The following RBFOX1 variants were observed in gnomAD, a reference collection of about 807,000 sequenced individuals.
The protein encoded by RBFOX1 is RNA binding fox-1 homolog 1.
Under a neutral mutation model 57.7 loss-of-function variants are expected in RBFOX1, and 8 were observed. That is an observed-to-expected ratio of 0.14 (90% confidence interval 0.08 to 0.25). The LOEUF is 0.25. Among genes scored for constraint, RBFOX1 ranks in the 10% least tolerant of loss-of-function variants. The probability of loss-of-function intolerance (pLI) is 1.00; values close to 1 mark genes in which losing one functional copy is unlikely to be tolerated. For missense variants in RBFOX1, 611 were observed against 548.5 expected (o/e 1.11, Z -1.14); for synonymous variants, 326 against 222.4 (o/e 1.47, Z -4.15).
intron 1 of RBFOX1, among the ~76,000 whole-genome samples, chr16:5,389,062 G>T (rs1017602046): frequency 6.6e-6 from 1 of 151,568 alleles, no homozygotes; most frequent in East Asian, 2.0e-4. Context: ...GTGGTGGCAG[G>T]CCCCTGTAGT....
intron 2 of RBFOX1, among the ~76,000 whole-genome samples, chr16:5,508,164 G>T (rs1462981091): frequency 6.6e-6 from 1 of 152,192 alleles, no homozygotes; most frequent in African/African-American, 2.4e-5. Context: ...TGTGCTGGGG[G>T]TCTGGACGTG....
intron 1 of RBFOX1, among the ~76,000 whole-genome samples, chr16:6,218,551 C>G (rs1390427613): frequency 1.3e-5 from 2 of 152,092 alleles, no homozygotes; most frequent in Non-Finnish European, 2.9e-5. Context: ...CTCAAGTGAT[C>G]CTCCCACCTC....
intron 2 of RBFOX1, among the ~76,000 whole-genome samples, chr16:5,492,272 T>A (rs887846119): frequency 1.3e-5 from 2 of 152,210 alleles, no homozygotes; most frequent in African/African-American, 4.8e-5. Flanking sequence ...CAGGTACCTG[T>A]TTTTCCCAAT....
intron 3 of RBFOX1, among the ~76,000 whole-genome samples, chr16:6,825,288 A>G (rs2091976903): frequency 6.6e-6 from 1 of 151,304 alleles, no homozygotes; most frequent in African/African-American, 2.4e-5. Context: ...CTAGATGCCA[A>G]AAATGTCTGT....
chr16:5,473,433 A>G lies in RBFOX1; in HGVS notation c.258+6179A>G, dbSNP rs139729007. On this transcript the variant is annotated intron_variant, in intron 2 of 2. Coordinates refer to the RBFOX1 transcript ENST00000585867. ...TTCTTTTTTTCTTTTTTGCAGGGCT[A>G]TGGATCTATAAAATTCCTAATAAGC... Among the ~76,000 whole-genome samples, 234 of 151,732 alleles carry G rather than the reference A, an allele frequency of 1.5e-3. 1 individual carries two copies. Among genetic ancestry groups the G allele is most frequent in the African/African-American group, 5.6e-3 (231 of 41,276 alleles).
chr16:6,344,676 C>G lies in RBFOX1; in HGVS notation c.-64+27619C>G, dbSNP rs190346310. Reference sequence around the variant, plus strand: ...CCTCCCAAAGTGCTGGGATTACAGGCGTGAGCCACCGAGCCCGGTTTTTTT... The same window carrying G: ...CCTCCCAAAGTGCTGGGATTACAGGGGTGAGCCACCGAGCCCGGTTTTTTT... On this transcript the variant is annotated intron_variant, in intron 2 of 15. Coordinates refer to ENST00000550418, the MANE Select transcript of RBFOX1 (RefSeq NM_018723.4). 7.1e-3 allele frequency among the ~76,000 whole-genome samples: 1,003 copies of G among 141,382 alleles called. 13 individuals are homozygous for G. The highest frequency in any genetic ancestry group is 0.025 in the African/African-American group (945 of 37,592). The allele number at this position is 141,382 out of a possible 152,430, so 92.8% of individuals were successfully genotyped here.
chr16:6,215,332 G>A (rs2097329243), intron 1 of RBFOX1, among the ~76,000 whole-genome samples: 1 of 138,328 alleles, frequency 7.2e-6, no homozygotes, highest in Non-Finnish European at 1.6e-5. Flanking sequence ...AGAGAGGGGA[G>A]GGGGAGAAGG....
At position 6,410,836 on chromosome 16, in the gene RBFOX1, C is replaced by A. The variant is rs191817960; in HGVS notation, c.-64+93779C>A. ...CCTACCTGGAAGTAGGCACTGTGGT[C>A]TGCACCATTCGGCATAAGTCACTTA... On this transcript the variant is annotated intron_variant, in intron 2 of 15. Transcript: ENST00000550418. Among the ~76,000 whole-genome samples, 39 of 152,308 alleles carry A rather than the reference C, an allele frequency of 2.6e-4. No homozygotes were observed. The East Asian group carries it at 3.5e-3, about 14-fold the overall frequency.
chr16:6,372,276 G>A (rs549461382), intron 2 of RBFOX1, among the ~76,000 whole-genome samples: 7 of 151,952 alleles, frequency 4.6e-5, no homozygotes, highest in East Asian at 1.9e-4. Flanking sequence ...AAGTATACTC[G>A]GATGGAAGGA....
chr16:6,893,432 T>C (rs1487799360), intron 3 of RBFOX1, among the ~76,000 whole-genome samples: 4 of 152,210 alleles, frequency 2.6e-5, no homozygotes, highest in African/African-American at 9.6e-5. Flanking sequence ...ACCTCATTCA[T>C]CAAAAGATCT....
intron 3 of RBFOX1, among the ~76,000 whole-genome samples, chr16:6,713,180 C>G (rs1246287441): frequency 2.0e-5 from 3 of 152,084 alleles, no homozygotes; most frequent in Non-Finnish European, 4.4e-5. Context: ...CCCTCCCAGT[C>G]TTGCGTATCT....
At chr16:7,406,700 T>A (rs1385844767) in intron 4 of RBFOX1, among the ~76,000 whole-genome samples, 1 of 152,218 alleles carries the variant, frequency 6.6e-6, no homozygotes, top group Non-Finnish European at 1.5e-5. Context: ...AGTTACTGCT[T>A]TGGCAAATTA....
At chr16:5,506,220 C>G (rs887076831) in intron 2 of RBFOX1, among the ~76,000 whole-genome samples, 8 of 151,660 alleles carry the variant, frequency 5.3e-5, no homozygotes, top group African/African-American at 1.5e-4. Context: ...CCTCCCACCT[C>G]TCCTACACCA....
chr16:7,354,394 G>A (rs753832951), intron 4 of RBFOX1, among the ~76,000 whole-genome samples: 2 of 152,156 alleles, frequency 1.3e-5, no homozygotes, highest in Non-Finnish European at 2.9e-5. Flanking sequence ...GGTGTTTGCT[G>A]TATTCAAGGC....
At chr16:6,882,487 C>T (rs953446181) in intron 3 of RBFOX1, among the ~76,000 whole-genome samples, 4 of 151,920 alleles carry the variant, frequency 2.6e-5, no homozygotes, top group African/African-American at 4.8e-5. Flanking sequence ...CCAGCTACTC[C>T]GGAGGGTGAG....
At chr16:5,566,700 A>T (rs2046085828) in intron 2 of RBFOX1, among the ~76,000 whole-genome samples, 1 of 151,884 alleles carries the variant, frequency 6.6e-6, no homozygotes, top group South Asian at 2.1e-4. Context: ...ATATACACAT[A>T]TATAGATATA....
intron 3 of RBFOX1, among the ~76,000 whole-genome samples, chr16:6,810,408 T>C (rs2088186010): frequency 6.6e-6 from 1 of 152,086 alleles, no homozygotes; most frequent in African/African-American, 2.4e-5. Flanking sequence ...GCGTGGACAA[T>C]GGTACTTTTT....
intron 4 of RBFOX1, among the ~76,000 whole-genome samples, chr16:7,429,001 A>G (rs909723889): frequency 5.5e-4 from 83 of 152,092 alleles, no homozygotes; most frequent in Admixed American, 3.9e-3. Context: ...GAGGATTTCT[A>G]TTGTTGTCCT....
intron 3 of RBFOX1, among the ~76,000 whole-genome samples, chr16:5,823,637 C>T (rs1409224479): frequency 2.0e-5 from 3 of 152,118 alleles, no homozygotes; most frequent in African/African-American, 2.4e-5. Flanking sequence ...CACCTGAGCT[C>T]CACCTCCAGT....
Sources: allele counts gnomAD v4.1 joint callset (sites outside exome capture counted in the v4.1 genomes callset), GRCh38; gene constraint gnomAD v4.1.1; transcripts MANE v1.5; gene names NCBI Gene and HGNC (gene_info 2026-07-23, HGNC 2026-07-21).